The following OPA3 variants were observed in gnomAD, a reference collection of about 807,000 sequenced individuals.
OPA3 encodes optic atrophy 3 protein.
Under a neutral mutation model 4.0 loss-of-function variants are expected in OPA3, and 6 were observed. The observed-to-expected ratio is 1.51, with a 90% CI of 0.83 to 2.99. The LOEUF (loss-of-function observed/expected upper bound fraction) is 2.99. Ranked by LOEUF, OPA3 falls within the 30% of genes most tolerant of loss-of-function variation. The probability of loss-of-function intolerance (pLI) is 0.00; values close to 1 mark genes in which losing one functional copy is unlikely to be tolerated. For missense variants in OPA3, 235 were observed against 256.2 expected, an observed-to-expected ratio of 0.92 and a Z score of 0.56; for synonymous variants, 105 against 117.1, an observed-to-expected ratio of 0.90 and a Z score of 0.67.
intron 1 of OPA3, among the ~76,000 whole-genome samples, chr19:45,560,955 G>C (rs1320765917): frequency 6.6e-6 from 1 of 152,184 alleles, no homozygotes; most frequent in East Asian, 1.9e-4. Context: ...CAGGTGGCTG[G>C]AATGCAACCC....
rs547036498 is a variant in OPA3 at position 45,548,158 on chromosome 19, G to A, written c.*5356C>T. 38 of 985,796 alleles carry A rather than the reference G, an allele frequency of 3.9e-5. No homozygotes were observed. In the South Asian group the frequency reaches 7.5e-4, roughly 20 times the overall value. 61.1% of individuals were successfully genotyped at this position (985,796 alleles called of 1,614,324 possible). On this transcript the variant is annotated 3_prime_UTR_variant, in exon 2 of 2. Coordinates refer to ENST00000263275, the MANE Select transcript of OPA3 (RefSeq NM_025136.4). ...TGCTTCTCCTCTCTCTGTCCACACC[G>A]ACTCCAGCTACAAGCCATTGCCACT...
At position 45,550,493 on chromosome 19, in the gene OPA3, C is replaced by G; in HGVS notation, c.*3021G>C. The G allele has an allele frequency of 1.0e-6, 1 of 984,834 alleles. No individual in the cohort carries two copies. Among genetic ancestry groups the G allele is most frequent in the Non-Finnish European group, 1.2e-6 (1 of 830,160 alleles). The allele number at this position is 984,834 out of a possible 1,614,324, so 61.0% of individuals were successfully genotyped here. On this transcript the variant is annotated 3_prime_UTR_variant, in exon 2 of 2. Transcript: ENST00000263275. ...GTAGAGATCGTCACCCTCCCAGCCTCTGCTCAGCCATCGCCTCTCCCTCCT... is the reference window on the plus strand; with the variant it reads ...GTAGAGATCGTCACCCTCCCAGCCTGTGCTCAGCCATCGCCTCTCCCTCCT...
chr19:45,574,243 A>G (rs1274775428), intron 1 of OPA3, among the ~76,000 whole-genome samples: 1 of 145,780 alleles, frequency 6.9e-6, no homozygotes, highest in East Asian at 2.0e-4. Flanking sequence ...AATACAAAAA[A>G]TATTAGCTGG....
chr19:45,562,672 C>T (rs568046701), intron 1 of OPA3, among the ~76,000 whole-genome samples: 12 of 152,128 alleles, frequency 7.9e-5, no homozygotes, highest in African/African-American at 1.4e-4. Context: ...GGAGACACAG[C>T]GAGACTCAGT....
Position 45,547,987 on chromosome 19 carries a change from A to C in OPA3, c.*5527T>G. On this transcript the variant is annotated 3_prime_UTR_variant, in exon 2 of 2. Transcript: ENST00000263275. ...GCTGAGATTACAGGTGTGAGCCACC[A>C]CGCCTGGCCACTCTTTCCTTCTTTA... 2.2e-6 allele frequency: 1 copy of C among 461,792 alleles called. No homozygotes were observed. The highest frequency in any genetic ancestry group is 2.8e-6 in the Non-Finnish European group (1 of 351,784). The allele number at this position is 461,792 out of a possible 1,614,324, so 28.6% of individuals were successfully genotyped here.
chr19:45,549,529 G>A lies in OPA3; in HGVS notation c.*3985C>T. ...TGAGTCTCACTCTGTCACCCAGGCT[G>A]GAGTGCAGTGGCGCGATCTCAGCTC... On this transcript the variant is annotated 3_prime_UTR_variant, in exon 2 of 2. Transcript: ENST00000263275. 1.0e-6 allele frequency: 1 copy of A among 970,974 alleles called. No homozygotes were observed. The highest frequency in any genetic ancestry group is 1.2e-6 in the Non-Finnish European group (1 of 817,116). The allele number at this position is 970,974 out of a possible 1,614,324, so 60.1% of individuals were successfully genotyped here.
intron 1 of OPA3, among the ~76,000 whole-genome samples, chr19:45,574,837 A>T (rs1166003932): frequency 2.6e-5 from 4 of 152,126 alleles, no homozygotes; most frequent in African/African-American, 9.7e-5. Context: ...TCCCTCATGA[A>T]AATCTGGCTG....
At chr19:45,562,819 CA>C (rs1969525228) in intron 1 of OPA3, among the ~76,000 whole-genome samples, 1 of 152,184 alleles carries the variant, frequency 6.6e-6, no homozygotes, top group Admixed American at 6.5e-5. Context: ...GGCTTTATAC[CA>C]GTGTTCATTT....
chr19:45,543,934 T>C (rs1969215907), downstream of OPA3, among the ~76,000 whole-genome samples: 1 of 152,242 alleles, frequency 6.6e-6, no homozygotes, highest in Non-Finnish European at 1.5e-5. Context: ...GTTCTTTTTC[T>C]GCTTCAGTTA....
At position 45,549,668 on chromosome 19, in the gene OPA3, C is replaced by T. The variant is rs1241578928; in HGVS notation, c.*3846G>A. On this transcript the variant is annotated 3_prime_UTR_variant, in exon 2 of 2. Coordinates refer to ENST00000263275, the MANE Select transcript of OPA3 (RefSeq NM_025136.4). ...CTAATTTTTGTATTTTTAGTAGAGA[C>T]GGGGTTTTGCCATGTTGGCCAGGCT... 7.0e-6 allele frequency: 6 copies of T among 860,458 alleles called. No homozygotes were observed. The highest frequency in any genetic ancestry group is 1.2e-4 in the East Asian group (1 of 8,186). The allele number at this position is 860,458 out of a possible 1,614,324, so 53.3% of individuals were successfully genotyped here.
downstream of OPA3, among the ~76,000 whole-genome samples, chr19:45,544,931 C>T (rs935831617): frequency 4.6e-5 from 7 of 151,676 alleles, no homozygotes; most frequent in South Asian, 2.1e-4. Flanking sequence ...TGTGGTGAGC[C>T]GAGATCGTGT....
downstream of OPA3, among the ~76,000 whole-genome samples, chr19:45,543,907 T>A (rs1461705499): frequency 6.6e-6 from 1 of 152,242 alleles, no homozygotes; most frequent in Non-Finnish European, 1.5e-5. Context: ...GTGAGCTACC[T>A]GATATCCTTC....
intron 1 of OPA3, among the ~76,000 whole-genome samples, chr19:45,559,090 G>T (rs1426227416): frequency 6.6e-6 from 1 of 152,022 alleles, no homozygotes. Flanking sequence ...CACCATGTTG[G>T]CCAGGCTGGT....
At chr19:45,562,354 AAAAAAAAAAG>A (rs1270500400) in intron 1 of OPA3, among the ~76,000 whole-genome samples, 2 of 145,482 alleles carry the variant, frequency 1.4e-5, no homozygotes, top group South Asian at 2.2e-4. Flanking sequence ...AAAAAAAAAA[AAAAAAAAAAG>A]AAAAGAAAAA....
At chr19:45,534,781 C>T (rs113373683) in intron 1 of OPA3, among the ~76,000 whole-genome samples, 20,737 of 151,162 alleles carry the variant, frequency 0.14, 1,496 homozygotes, top group South Asian at 0.28. Flanking sequence ...TACAGGCACG[C>T]GCCACCATGC....
At chr19:45,532,819 TCCTC>T (rs1268058601) in intron 1 of OPA3, among the ~76,000 whole-genome samples, 11 of 152,060 alleles carry the variant, frequency 7.2e-5, no homozygotes, top group African/African-American at 2.4e-4. Context: ...CCTCAAGCAA[TCCTC>T]CCACCTCAGC....
At chr19:45,566,511 G>A (rs1374110163) in intron 1 of OPA3, among the ~76,000 whole-genome samples, 3 of 148,482 alleles carry the variant, frequency 2.0e-5, no homozygotes, top group Non-Finnish European at 3.0e-5. Flanking sequence ...TCGCTCTGTC[G>A]CCCAGGCTGG....
chr19:45,572,826 TCG>T (rs1568409433), intron 1 of OPA3, among the ~76,000 whole-genome samples: 3 of 144,384 alleles, frequency 2.1e-5, no homozygotes, highest in Non-Finnish European at 4.5e-5. Flanking sequence ...GATATATATC[TCG>T]ATATATATCT....
In OPA3 at chr19:45,562,644, G is replaced by A. The variant is rs201832034; in HGVS notation, c.143-8733C>T. On this transcript the variant is annotated intron_variant, in intron 1 of 1. Transcript: ENST00000263275. ...GCAGAGGTTGCAGTGAGCTGAGATC[G>A]CGCCACTGCCCAGCCTGGGAGACAC... 3.9e-5 allele frequency among the ~76,000 whole-genome samples: 6 copies of A among 152,294 alleles called. No individual in the cohort carries two copies. The South Asian group carries it at 1.0e-3, about 26-fold the overall frequency.
Sources: gnomAD v4.1 joint callset for allele counts (sites outside exome capture counted in the v4.1 genomes callset) on GRCh38, gnomAD v4.1.1 for gene constraint, MANE v1.5 for transcripts, NCBI Gene and HGNC (gene_info 2026-07-23, HGNC 2026-07-21) for gene names.